ELAVL2: variants seen among roughly 807,000 people sequenced by gnomAD.
ELAVL2 encodes the protein ELAV-like protein 2.
In ELAVL2, 4 loss-of-function variants were observed where a neutral mutation model predicts 34.6. That is an observed-to-expected ratio of 0.12 (90% CI 0.06 to 0.26). ELAVL2 has a LOEUF of 0.26. ELAVL2 is among the 10% of genes least tolerant of loss of function. ELAVL2 has a pLI of 1.00. For synonymous variants in ELAVL2, 193 were observed against 154.8 expected (o/e 1.25, Z -1.83); for missense variants, 432 against 442.8 (o/e 0.98, Z 0.22).
chr9:23,759,751 GTATTA>G (rs1461677759), intron 2 of ELAVL2, among the ~76,000 whole-genome samples: 8 of 51,524 alleles, frequency 1.6e-4, no homozygotes, highest in African/African-American at 8.3e-4. Context: ...ATCATATATA[GTATTA>G]TATATATATA....
upstream of ELAVL2, chr9:23,829,581 C>G (rs2065433978): frequency 6.6e-6 from 1 of 152,066 alleles, no homozygotes; most frequent in African/African-American, 2.4e-5. Context: ...ATGGTTCATA[C>G]TATTGGAAAT....
At chr9:23,692,924 A>C in intron 6 of ELAVL2, 40 bp from the exon 7 acceptor site, 1 of 1,578,346 alleles carries the variant, frequency 6.3e-7, no homozygotes, top group Non-Finnish European at 8.6e-7. Flanking sequence ...ACACACAAAA[A>C]ATAAAAACAG....
intron 1 of ELAVL2, among the ~76,000 whole-genome samples, chr9:23,784,495 G>A (rs1321223894): frequency 3.3e-5 from 5 of 152,198 alleles, no homozygotes; most frequent in South Asian, 2.1e-4. Flanking sequence ...ACACATACTA[G>A]GTAGTGTTGG....
At chr9:23,763,445 T>C (rs958890637) in intron 1 of ELAVL2, among the ~76,000 whole-genome samples, 1 of 152,098 alleles carries the variant, frequency 6.6e-6, no homozygotes, top group African/African-American at 2.4e-5. Context: ...ATCCTTCATA[T>C]TGCATACATC....
intron 5 of ELAVL2, among the ~76,000 whole-genome samples, chr9:23,694,470 A>T (rs988760346): frequency 3.0e-4 from 45 of 152,156 alleles, no homozygotes; most frequent in African/African-American, 1.1e-3. Context: ...CTTAATACAT[A>T]GTCCACAACC....
chr9:23,716,208 T>C (rs1460002165), intron 3 of ELAVL2, among the ~76,000 whole-genome samples: 1 of 151,942 alleles, frequency 6.6e-6, no homozygotes, highest in East Asian at 1.9e-4. Flanking sequence ...GAGATATACC[T>C]AATGTAAATG....
intron 1 of ELAVL2, among the ~76,000 whole-genome samples, chr9:23,797,644 G>C (rs1351106745): frequency 6.6e-6 from 1 of 152,180 alleles, no homozygotes; most frequent in Admixed American, 6.5e-5. Context: ...AAAAAGTATG[G>C]GATGCGGGCG....
chr9:23,807,638 G>C (rs1216182170), intron 1 of ELAVL2, among the ~76,000 whole-genome samples: 1 of 151,904 alleles, frequency 6.6e-6, no homozygotes, highest in Non-Finnish European at 1.5e-5. Context: ...AAAGCAATGG[G>C]GTGATCTGTC....
upstream of ELAVL2, among the ~76,000 whole-genome samples, chr9:23,830,626 C>CACACACCT (rs1491521757): frequency 5.5e-5 from 4 of 72,552 alleles, no homozygotes; most frequent in East Asian, 9.0e-4. Context: ...ACACACACAC[C>CACACACCT]TTTTTTTTTT....
chr9:23,810,471 T>C (rs371832115), intron 1 of ELAVL2, among the ~76,000 whole-genome samples: 17 of 152,266 alleles, frequency 1.1e-4, no homozygotes, highest in African/African-American at 4.1e-4. Flanking sequence ...AAACAGCCTC[T>C]AAAGCAATTT....
At chr9:23,735,002 A>G (rs1388735181) in intron 2 of ELAVL2, among the ~76,000 whole-genome samples, 1 of 150,712 alleles carries the variant, frequency 6.6e-6, no homozygotes, top group East Asian at 2.0e-4. Flanking sequence ...CATTTCTTTA[A>G]AAAGTTTTAT....
chr9:23,710,090 C>G (rs1464315348), intron 3 of ELAVL2, among the ~76,000 whole-genome samples: 1 of 152,072 alleles, frequency 6.6e-6, no homozygotes, highest in African/African-American at 2.4e-5. Flanking sequence ...TCTTCACAAA[C>G]AAGACTAGAC....
intron 2 of ELAVL2, among the ~76,000 whole-genome samples, chr9:23,754,978 A>C (rs2053185949): frequency 6.6e-6 from 1 of 152,146 alleles, no homozygotes; most frequent in African/African-American, 2.4e-5. Context: ...CAACCTTGTT[A>C]AAAGTGCCCT....
chr9:23,743,406 T>C lies in ELAVL2; in HGVS notation c.230-12281A>G, dbSNP rs1051150481. On this transcript the variant is annotated intron_variant, in intron 2 of 6. Transcript: ENST00000397312. ...TCCAAATTTAAAATTCACGGATACT[T>C]TGAGGAAGATTTTGCTAAAAAGATT... Among the ~76,000 whole-genome samples the C allele has an allele frequency of 6.6e-5, 10 of 152,152 alleles. No individual in the cohort carries two copies. In the East Asian group the frequency reaches 9.7e-4, roughly 15 times the overall value.
chr9:23,703,432 A>G (rs953732790), intron 4 of ELAVL2, among the ~76,000 whole-genome samples: 9 of 152,228 alleles, frequency 5.9e-5, no homozygotes, highest in African/African-American at 2.2e-4. Context: ...AACTAACACA[A>G]TTAAGGAGGC....
chr9:23,779,692 C>T (rs1418944393), intron 1 of ELAVL2, among the ~76,000 whole-genome samples: 2 of 151,908 alleles, frequency 1.3e-5, no homozygotes, highest in Non-Finnish European at 2.9e-5. Context: ...GGAGGAGACA[C>T]CACCATCCAA....
intron 4 of ELAVL2, among the ~76,000 whole-genome samples, chr9:23,703,034 T>C (rs2038010761): frequency 7.3e-6 from 1 of 136,902 alleles, no homozygotes; most frequent in African/African-American, 2.7e-5. Flanking sequence ...TACTTAAGCA[T>C]ACCTAAGAAC....
intron 2 of ELAVL2, among the ~76,000 whole-genome samples, chr9:23,741,642 G>C (rs76365682): frequency 6.6e-6 from 1 of 152,084 alleles, no homozygotes; most frequent in Non-Finnish European, 1.5e-5. Flanking sequence ...AAATCCTCAT[G>C]ATTAGGAGGA....
At chr9:23,737,615 C>T (rs1401514793) in intron 2 of ELAVL2, among the ~76,000 whole-genome samples, 1 of 152,074 alleles carries the variant, frequency 6.6e-6, no homozygotes, top group Non-Finnish European at 1.5e-5. Context: ...ATGTACAAGT[C>T]AAATAAAATG....
Sources: gnomAD v4.1 joint callset for allele counts (sites outside exome capture counted in the v4.1 genomes callset) on GRCh38, gnomAD v4.1.1 for gene constraint, MANE v1.5 for transcripts, NCBI Gene and HGNC (gene_info 2026-07-23, HGNC 2026-07-21) for gene names.